FAM184A: variants seen among roughly 807,000 people sequenced by gnomAD.
FAM184A encodes the protein family with sequence similarity 184 member A, also known as protein FAM184A.
FAM184A carries 99 observed loss-of-function variants against 143.8 expected under a neutral mutation model. The observed-to-expected ratio is 0.69, with a 90% CI of 0.58 to 0.81. The LOEUF (loss-of-function observed/expected upper bound fraction) is 0.81. Ranked by LOEUF, FAM184A falls within the 40% of genes least tolerant of loss-of-function variation. The probability of loss-of-function intolerance (pLI) is 0.00; values close to 1 mark genes in which losing one functional copy is unlikely to be tolerated. For synonymous variants in FAM184A, 427 were observed against 446.4 expected, an observed-to-expected ratio of 0.96 and a Z score of 0.55; for missense variants, 1,217 against 1,310.5, an observed-to-expected ratio of 0.93 and a Z score of 1.10.
intron 11 of FAM184A, among the ~76,000 whole-genome samples, chr6:118,978,920 T>C (rs1783930791): frequency 6.6e-6 from 1 of 152,226 alleles, no homozygotes; most frequent in Non-Finnish European, 1.5e-5. Context: ...GAACACCTCA[T>C]AGGTAGAAAT....
chr6:118,970,779 A>C (rs532176214), intron 14 of FAM184A, among the ~76,000 whole-genome samples: 1 of 152,318 alleles, frequency 6.6e-6, no homozygotes, highest in African/African-American at 2.4e-5. Context: ...AAAATTACTA[A>C]TTAGGGCCAC....
chr6:118,997,126 C>G (rs1395064305), intron 9 of FAM184A, among the ~76,000 whole-genome samples: 1 of 151,370 alleles, frequency 6.6e-6, no homozygotes, highest in Admixed American at 6.6e-5. Context: ...TATGGCTGGG[C>G]GTGGTGGCTC....
chr6:119,024,341 G>A lies in FAM184A; in HGVS notation c.632C>T (p.Ser211Leu), dbSNP rs758246528. The A allele has an allele frequency of 1.9e-6, 3 of 1,613,984 alleles. No individual in the cohort carries two copies. Among genetic ancestry groups the A allele is most frequent in the African/African-American group, 2.7e-5 (2 of 74,898 alleles). ...TGCCTTTTCCTGGCCTTTATTTACT[G>A]AGGCACTGTGATCCTGCTGTGACTT... The part of the protein sequence containing the change: ...LLKSQQDHSA[S>L]VNKGQEKAEE... The change falls in exon 2 of 18, where the codon TCA becomes TTA. Residue 211 changes from serine (S) to leucine (L), a missense_variant. Transcript: ENST00000338891.
chr6:119,113,799 G>A (rs1337319052), intron 1 of FAM184A, among the ~76,000 whole-genome samples: 1 of 152,102 alleles, frequency 6.6e-6, no homozygotes, highest in African/African-American at 2.4e-5. Flanking sequence ...AAAATTAGCT[G>A]AGCATGGTGG....
chr6:119,056,448 G>A (rs572466735), intron 1 of FAM184A, among the ~76,000 whole-genome samples: 2 of 152,192 alleles, frequency 1.3e-5, no homozygotes, highest in South Asian at 2.1e-4. Context: ...GGGTTCTATC[G>A]TCCCACAGTA....
intron 7 of FAM184A, among the ~76,000 whole-genome samples, chr6:119,004,299 T>C (rs1294131527): frequency 6.6e-6 from 1 of 152,218 alleles, no homozygotes; most frequent in Non-Finnish European, 1.5e-5. Context: ...GAGCAGATGA[T>C]GGTCTATCTT....
rs570479498 is a variant in FAM184A at position 118,974,532 on chromosome 6, C to T, written c.2811G>A (p.Leu937=). Residue 937 remains leucine, a synonymous_variant, in exon 14 of 18, where the codon TTG becomes TTA. Coordinates refer to ENST00000338891, the MANE Select transcript of FAM184A (RefSeq NM_024581.6). ...QDLNKRLEKE[L]DVMTADHLRE... Reference sequence around the variant, plus strand: ...TGAGGTGGTCTGCTGTCATGACATCCAACTCTTTTTCAAGTCTCTTGTTTA... The same window carrying T: ...TGAGGTGGTCTGCTGTCATGACATCTAACTCTTTTTCAAGTCTCTTGTTTA... 1.2e-6 allele frequency: 2 copies of T among 1,609,842 alleles called. No individual in the cohort carries two copies. The highest frequency in any genetic ancestry group is 2.2e-5 in the East Asian group (1 of 44,676).
At chr6:119,097,995 C>T (rs1788551140) in intron 1 of FAM184A, among the ~76,000 whole-genome samples, 1 of 152,156 alleles carries the variant, frequency 6.6e-6, no homozygotes, top group African/African-American at 2.4e-5. Flanking sequence ...CGAGGTTTTG[C>T]ATCAGGAGGA....
chr6:119,127,781 A>G (rs962535819), intron 1 of FAM184A, among the ~76,000 whole-genome samples: 1 of 152,204 alleles, frequency 6.6e-6, no homozygotes, highest in Non-Finnish European at 1.5e-5. Context: ...GAAGGGAGGC[A>G]TGAGTATGTG....
At chr6:119,025,507 C>A (rs751613938) in intron 1 of FAM184A, 29 of 518,874 alleles carry the variant, frequency 5.6e-5, no homozygotes, top group South Asian at 3.1e-4. Flanking sequence ...CAACCCAATT[C>A]CTTAAGCCAG....
chr6:118,974,410 TTATATAA>T lies in FAM184A; in HGVS notation c.2915+11_2915+17del. Reference sequence around the variant, plus strand: ...ATTTATTATCCACATATGAATTTTCTTATATAATATGACTTACGACACTTGTAAAGCG... The same window carrying T: ...ATTTATTATCCACATATGAATTTTCTTATGACTTACGACACTTGTAAAGCG... On this transcript the variant is annotated intron_variant, in intron 14 of 17. Transcript: ENST00000338891. 1.9e-6 allele frequency: 3 copies of T among 1,594,510 alleles called. No individual in the cohort carries two copies.
chr6:119,095,499 GTGGT>G (rs1788481320), intron 1 of FAM184A, among the ~76,000 whole-genome samples: 1 of 152,120 alleles, frequency 6.6e-6, no homozygotes, highest in Non-Finnish European at 1.5e-5. Flanking sequence ...CACTCTTTGG[GTGGT>G]CTCTCAGAGA....
Position 119,024,563 on chromosome 6 carries a change from T to G in FAM184A, c.410A>C (p.Glu137Ala). 14 of 1,614,202 alleles carry G rather than the reference T, an allele frequency of 8.7e-6. No individual in the cohort carries two copies. Among genetic ancestry groups the G allele is most frequent in the Non-Finnish European group, 1.2e-5 (14 of 1,180,032 alleles). The change falls in exon 2 of 18, where the codon GAG becomes GCG. Residue 137 changes from glutamate (E) to alanine (A), a missense_variant. Coordinates refer to ENST00000338891, the MANE Select transcript of FAM184A (RefSeq NM_024581.6). ...TEFEAYKHRV[E>A]DMQLCAEAQH... is the part of the protein sequence containing the mutation. ...GGCTTCTGCACAAAGTTGCATGTCC[T>G]CAACTCTGTGCTTATAAGCTTCAAA... is the stretch of plus-strand genomic sequence containing the variant.
chr6:119,012,178 T>A (rs1348678180), intron 5 of FAM184A, among the ~76,000 whole-genome samples: 2 of 152,184 alleles, frequency 1.3e-5, no homozygotes, highest in Non-Finnish European at 1.5e-5. Flanking sequence ...GGAAAAAGCA[T>A]GTGCTAAGGC....
At chr6:118,997,473 T>C (rs1168392332) in intron 9 of FAM184A, among the ~76,000 whole-genome samples, 1 of 152,116 alleles carries the variant, frequency 6.6e-6, no homozygotes, top group Non-Finnish European at 1.5e-5. Flanking sequence ...GTGGATCACC[T>C]GAGGTCAGGA....
chr6:119,124,081 C>A (rs967522555), intron 1 of FAM184A, among the ~76,000 whole-genome samples: 4 of 152,068 alleles, frequency 2.6e-5, no homozygotes, highest in Non-Finnish European at 5.9e-5. Flanking sequence ...TCATTTTATT[C>A]TTTTTTTAAA....
At chr6:119,002,444 G>A (rs1784793016) in intron 9 of FAM184A, among the ~76,000 whole-genome samples, 1 of 152,028 alleles carries the variant, frequency 6.6e-6, no homozygotes, top group African/African-American at 2.4e-5. Flanking sequence ...TACTCTAAGG[G>A]GCTTAAAGCA....
At chr6:119,111,586 G>A (rs1391421634) in intron 1 of FAM184A, among the ~76,000 whole-genome samples, 1 of 152,206 alleles carries the variant, frequency 6.6e-6, no homozygotes, top group African/African-American at 2.4e-5. Flanking sequence ...GAAACCCGGC[G>A]TATTCCAGTT....
intron 1 of FAM184A, among the ~76,000 whole-genome samples, chr6:119,089,394 C>T (rs1313358956): frequency 5.9e-5 from 9 of 151,580 alleles, no homozygotes; most frequent in African/African-American, 1.5e-4. Flanking sequence ...TTCGTAGAGA[C>T]GGGTTTCAAC....
Sources: allele counts gnomAD v4.1 joint callset (sites outside exome capture counted in the v4.1 genomes callset), GRCh38; gene constraint gnomAD v4.1.1; transcripts MANE v1.5; gene names NCBI Gene and HGNC (gene_info 2026-07-23, HGNC 2026-07-21).